The following POLG2 variants were observed in gnomAD, a reference collection of about 807,000 sequenced individuals.
POLG2 encodes DNA polymerase subunit gamma-2.
Under a neutral mutation model 56.5 loss-of-function variants are expected in POLG2, and 50 were observed. The ratio of observed to expected loss-of-function variants is 0.88; its 90% CI spans 0.71 to 1.12. POLG2 has a LOEUF of 1.12. Ranked by LOEUF, POLG2 falls within the 50% of genes most tolerant of loss-of-function variation. The probability of loss-of-function intolerance (pLI) is 0.00; values close to 1 mark genes in which losing one functional copy is unlikely to be tolerated. For synonymous variants in POLG2, 226 were observed against 222.6 expected (o/e 1.02, Z -0.14); for missense variants, 584 against 583.3 (o/e 1.00, Z -0.01).
chr17:64,494,260 TAATC>T (rs2038113104), intron 1 of POLG2, among the ~76,000 whole-genome samples: 2 of 152,244 alleles, frequency 1.3e-5, no homozygotes. Flanking sequence ...TAATTTCGGC[TAATC>T]ATTTTTAGCA....
At chr17:64,495,392 C>T (rs1403515557) in intron 1 of POLG2, among the ~76,000 whole-genome samples, 6 of 151,958 alleles carry the variant, frequency 3.9e-5, no homozygotes, top group African/African-American at 1.5e-4. Context: ...CCAGCCTGGA[C>T]AACATGGCAA....
chr17:64,478,072 C>T (rs2037797093), intron 7 of POLG2, 84 bp from the exon 8 acceptor site: 4 of 1,400,360 alleles, frequency 2.9e-6, no homozygotes, highest in African/African-American at 1.4e-5. Flanking sequence ...ATTCAGTGTT[C>T]ATGCACTCTC....
rs181583071 is a variant in POLG2, at chr17:64,480,313, G to T, written c.1268C>A (p.Ser423Tyr). The T allele has an allele frequency of 1.1e-4, 172 of 1,576,308 alleles. 1 individual carries two copies. The Admixed American group carries it at 2.7e-3, about 25-fold the overall frequency. Reference protein sequence around the residue: ...VWPGYLETMQSSLEQLYSKYD... With the variant: ...VWPGYLETMQYSLEQLYSKYD... ...CTTCGAATAAAGTTGTTCCAATGAG[G>T]ACTGCATAGTTTCCAAATAACCAGG... Residue 423 changes from serine (S) to tyrosine (Y), a missense_variant, in exon 7 of 8, where the codon TCC (serine) becomes TAC (tyrosine). Ser to Tyr is a moderately radical substitution (Grantham distance 144). Coordinates refer to ENST00000539111, the MANE Select transcript of POLG2 (RefSeq NM_007215.4).
chr17:64,483,483 T>C (rs1012016671), intron 5 of POLG2, among the ~76,000 whole-genome samples: 4 of 149,776 alleles, frequency 2.7e-5, no homozygotes, highest in Non-Finnish European at 5.9e-5. Flanking sequence ...CACTGCACTC[T>C]AGTCTGGGCG....
chr17:64,479,180 G>A (rs1388272699), intron 7 of POLG2, among the ~76,000 whole-genome samples: 8 of 150,002 alleles, frequency 5.3e-5, no homozygotes, highest in Admixed American at 5.3e-4. Context: ...TCATCTGAAA[G>A]GTGTTTTTTT....
chr17:64,483,060 A>C (rs2037889323), intron 5 of POLG2, 61 bp from the exon 6 acceptor site: 1 of 818,714 alleles, frequency 1.2e-6, no homozygotes, highest in Non-Finnish European at 2.1e-6. Flanking sequence ...AGTTTGTTTA[A>C]ATATAACACA....
At chr17:64,493,606 T>G (rs1293992124) in intron 1 of POLG2, among the ~76,000 whole-genome samples, 2 of 151,946 alleles carry the variant, frequency 1.3e-5, no homozygotes, top group African/African-American at 4.8e-5. Flanking sequence ...TGCCTCAGCC[T>G]CCCGAGTAGC....
chr17:64,480,123 G>C (rs1043369388), intron 7 of POLG2, among the ~76,000 whole-genome samples, 166 bp downstream of exon 7: 1 of 152,162 alleles, frequency 6.6e-6, no homozygotes, highest in Non-Finnish European at 1.5e-5. Context: ...ACTGTTCCCT[G>C]CTGAGGCAAT....
chr17:64,493,154 A>C, intron 1 of POLG2, 133 bp from the exon 2 acceptor site: 2 of 992,412 alleles, frequency 2.0e-6, no homozygotes, highest in Non-Finnish European at 3.1e-6. Flanking sequence ...TTGGTGGCTC[A>C]CGCCTATAAT....
intron 1 of POLG2, among the ~76,000 whole-genome samples, chr17:64,493,765 C>T (rs945801115): frequency 2.0e-5 from 3 of 152,114 alleles, no homozygotes; most frequent in Admixed American, 6.5e-5. Flanking sequence ...GGATTACAGG[C>T]GTGAGCCACC....
chr17:64,488,127 G>C (rs1379311772), intron 4 of POLG2, among the ~76,000 whole-genome samples: 1 of 152,108 alleles, frequency 6.6e-6, no homozygotes, highest in Non-Finnish European at 1.5e-5. Flanking sequence ...ACTTTGGGAG[G>C]CTAAGGCAGG....
chr17:64,478,562 T>C (rs146864396), intron 7 of POLG2, among the ~76,000 whole-genome samples: 148 of 152,304 alleles, frequency 9.7e-4, no homozygotes, highest in African/African-American at 3.3e-3. Context: ...TATTTCTCTG[T>C]TTATTTATTG....
intron 4 of POLG2, chr17:64,487,073 A>G (rs1172407413): frequency 6.6e-6 from 1 of 152,128 alleles, no homozygotes; most frequent in Non-Finnish European, 1.5e-5. Flanking sequence ...CTTTAGCTAG[A>G]GTCACAGAAC....
chr17:64,495,787 C>T (rs999704721), intron 1 of POLG2, among the ~76,000 whole-genome samples: 3 of 151,976 alleles, frequency 2.0e-5, no homozygotes, highest in African/African-American at 7.3e-5. Context: ...CGGCTCACTG[C>T]AACCTCTGCC....
intron 1 of POLG2, among the ~76,000 whole-genome samples, chr17:64,495,219 T>C (rs537115853): frequency 1.6e-4 from 24 of 149,598 alleles, no homozygotes; most frequent in Admixed American, 4.0e-4. Flanking sequence ...GCACTAGGTG[T>C]GCTCATTGCT....
At chr17:64,480,558 C>A (rs573388040) in intron 6 of POLG2, among the ~76,000 whole-genome samples, 169 bp from the exon 7 acceptor site, 8 of 152,272 alleles carry the variant, frequency 5.3e-5, no homozygotes, top group Admixed American at 3.3e-4. Flanking sequence ...CTTTATAAAT[C>A]GTATACTTCT....
In POLG2 at chr17:64,490,553, G is replaced by C. The variant is rs1568088557; in HGVS notation, c.969+243C>G. On this transcript the variant is annotated intron_variant, in intron 4 of 7. Coordinates refer to ENST00000539111, the MANE Select transcript of POLG2 (RefSeq NM_007215.4). ...CAACTACATGAAAGACAAGATCTTG[G>C]ACCTATAAATGCCATTATTGAGATA... is the stretch of plus-strand genomic sequence containing the variant. The C allele has an allele frequency of 1.0e-5, 5 of 501,768 alleles. No homozygotes were observed. In the East Asian group the frequency reaches 1.9e-4, roughly 19 times the overall value. 31.1% of individuals were successfully genotyped at this position (501,768 alleles called of 1,614,324 possible).
At chr17:64,481,414 C>T (rs1038092329) in intron 6 of POLG2, 2 of 985,188 alleles carry the variant, frequency 2.0e-6, no homozygotes, top group South Asian at 4.7e-5. Context: ...GTCTCAATCA[C>T]CCAGACAGAA....
intron 6 of POLG2, among the ~76,000 whole-genome samples, chr17:64,482,224 C>T (rs1249500386): frequency 6.6e-6 from 1 of 151,442 alleles, no homozygotes; most frequent in Admixed American, 6.6e-5. Context: ...GTGCCTTAGC[C>T]TCCTGAATAG....
Sources: gnomAD v4.1 joint callset for allele counts (sites outside exome capture counted in the v4.1 genomes callset) on GRCh38, gnomAD v4.1.1 for gene constraint, MANE v1.5 for transcripts, NCBI Gene and HGNC (gene_info 2026-07-23, HGNC 2026-07-21) for gene names.